BATF: variants seen among roughly 807,000 people sequenced by gnomAD.
The protein encoded by BATF is basic leucine zipper transcriptional factor ATF-like.
Under a neutral mutation model 13.7 loss-of-function variants are expected in BATF, and 5 were observed. The observed-to-expected ratio is 0.36, with a 90% CI of 0.19 to 0.77. The LOEUF is 0.77. BATF is among the 30% of genes least tolerant of loss of function. The pLI, the probability that BATF is intolerant of heterozygous loss-of-function variation, is 0.51. For synonymous variants in BATF, 72 were observed against 67.5 expected, an observed-to-expected ratio of 1.07 and a Z score of -0.33; for missense variants, 124 against 163.0, an observed-to-expected ratio of 0.76 and a Z score of 1.30.
chr14:75,531,574 G>C (rs1195556881), intron 2 of BATF, among the ~76,000 whole-genome samples: 1 of 152,176 alleles, frequency 6.6e-6, no homozygotes, highest in South Asian at 2.1e-4. Context: ...CTTGCCTGGG[G>C]CTGCCTCCTG....
intron 2 of BATF, among the ~76,000 whole-genome samples, chr14:75,528,896 A>T (rs1289556046): frequency 6.6e-6 from 1 of 152,244 alleles, no homozygotes; most frequent in African/African-American, 2.4e-5. Context: ...TGTTTATAAT[A>T]CCAATGACAA....
At chr14:75,539,866 C>T (rs893635442) in intron 2 of BATF, among the ~76,000 whole-genome samples, 1 of 152,028 alleles carries the variant, frequency 6.6e-6, no homozygotes, top group Non-Finnish European at 1.5e-5. Flanking sequence ...TGGGAAGAGT[C>T]GTACTTTTCA....
chr14:75,527,755 A>T (rs1185640026), intron 2 of BATF, among the ~76,000 whole-genome samples: 1 of 152,160 alleles, frequency 6.6e-6, no homozygotes, highest in Non-Finnish European at 1.5e-5. Flanking sequence ...CCCCAGCCTC[A>T]GTTTCTAGAA....
chr14:75,522,808 G>A, intron 1 of BATF, 63 bp downstream of exon 1: 1 of 1,602,684 alleles, frequency 6.2e-7, no homozygotes, highest in Non-Finnish European at 8.5e-7. Context: ...AAGAGAGCCA[G>A]GCTTCCTTGT....
In BATF at chr14:75,545,388, A is replaced by ATTTT. The variant is rs35791450; in HGVS notation, c.169-1056_169-1053dup. ...AGGTGTGCACCACCACGCCTGGTTA[A>ATTTT]TTTTTTTTTTTTTTTTTTTTTGTAT... is the stretch of plus-strand genomic sequence containing the variant. On this transcript the variant is annotated intron_variant, in intron 2 of 2. Coordinates refer to ENST00000286639, the MANE Select transcript of BATF (RefSeq NM_006399.5). Among the ~76,000 whole-genome samples, 161 of 105,182 alleles carry ATTTT rather than the reference A, an allele frequency of 1.5e-3. 2 individuals carry two copies. Among genetic ancestry groups the ATTTT allele is most frequent in the African/African-American group, 5.0e-3 (129 of 25,894 alleles). 69.0% of individuals were successfully genotyped at this position (105,182 alleles called of 152,430 possible). A position where few individuals can be genotyped will look rare whatever the true frequency, so the allele number is the denominator to read the frequency against.
In BATF at chr14:75,525,001, C is replaced by A. The variant is rs574244114; in HGVS notation, c.64-83C>A. 75 of 1,187,252 alleles carry A rather than the reference C, an allele frequency of 6.3e-5. 1 individual carries two copies. In the East Asian group the frequency reaches 7.6e-4, roughly 12 times the overall value. 73.5% of individuals were successfully genotyped at this position (1,187,252 alleles called of 1,614,324 possible). A position where few individuals can be genotyped will look rare whatever the true frequency, so the allele number is the denominator to read the frequency against. On this transcript the variant is annotated intron_variant, in intron 1 of 2. Coordinates refer to ENST00000286639, the MANE Select transcript of BATF (RefSeq NM_006399.5). ...ACGAAGGCATGGAAGGATGGCTGGACGGATACCACACACCACCAGAGCCTG... is the reference window on the plus strand; with the variant it reads ...ACGAAGGCATGGAAGGATGGCTGGAAGGATACCACACACCACCAGAGCCTG...
chr14:75,536,656 G>A (rs959459970), intron 2 of BATF, among the ~76,000 whole-genome samples: 10 of 151,756 alleles, frequency 6.6e-5, no homozygotes, highest in African/African-American at 1.5e-4. Flanking sequence ...CCAAGAGGTC[G>A]AGGTTGCAGT....
intron 2 of BATF, among the ~76,000 whole-genome samples, chr14:75,526,055 T>C (rs1389903798): frequency 6.6e-6 from 1 of 152,232 alleles, no homozygotes; most frequent in African/African-American, 2.4e-5. Flanking sequence ...GAGTTGCCTC[T>C]AGTCCCAAAT....
rs935511259 is a variant in BATF at position 75,525,122 on chromosome 14, G to A, written c.102G>A (p.Glu34=). 7.4e-6 allele frequency: 12 copies of A among 1,614,022 alleles called. No individual in the cohort carries two copies. Among genetic ancestry groups the A allele is most frequent in the South Asian group, 2.2e-5 (2 of 91,030 alleles). The change falls in exon 2 of 3, where the codon GAG becomes GAA. Residue 34 remains glutamate, a synonymous_variant. Coordinates refer to ENST00000286639, the MANE Select transcript of BATF (RefSeq NM_006399.5). ...ATGTGAGAAGAGTTCAGAGGAGGGA[G>A]AAAAATCGTATTGCCGCCCAGAAGA... The part of the protein sequence containing the change: ...SDDVRRVQRR[E]KNRIAAQKSR...
chr14:75,545,410 G>A (rs891409256), intron 2 of BATF, among the ~76,000 whole-genome samples: 1 of 50,564 alleles, frequency 2.0e-5, no homozygotes, highest in Non-Finnish European at 4.1e-5. Context: ...TTTTTTTTTT[G>A]TATTTTTAGA....
chr14:75,526,743 T>G (rs1276371845), intron 2 of BATF, among the ~76,000 whole-genome samples: 4 of 152,172 alleles, frequency 2.6e-5, no homozygotes, highest in African/African-American at 9.7e-5. Context: ...GCCCTGCTGC[T>G]TGTATGTTCT....
At chr14:75,542,853 G>C (rs1038678064) in intron 2 of BATF, among the ~76,000 whole-genome samples, 6 of 152,244 alleles carry the variant, frequency 3.9e-5, no homozygotes, top group East Asian at 3.8e-4. Flanking sequence ...AAGCCAGGGA[G>C]GGGGAGGCAG....
rs113994575 is a variant in BATF at position 75,540,612 on chromosome 14, C to A, written c.169-5850C>A. On this transcript the variant is annotated intron_variant, in intron 2 of 2. Coordinates refer to ENST00000286639, the MANE Select transcript of BATF (RefSeq NM_006399.5). ...GAGTGCCTCAATTCAAGTACCGGTGCTGCAACTTCCAAGCTGCGTGATCTT... is the reference window on the plus strand; with the variant it reads ...GAGTGCCTCAATTCAAGTACCGGTGATGCAACTTCCAAGCTGCGTGATCTT... Among the ~76,000 whole-genome samples, 1,357 of 152,354 alleles carry A rather than the reference C, an allele frequency of 8.9e-3. 19 individuals are homozygous for A. The highest frequency in any genetic ancestry group is 0.032 in the African/African-American group (1,316 of 41,582).
chr14:75,526,089 CTG>C (rs1442572020), intron 2 of BATF, among the ~76,000 whole-genome samples: 1 of 152,234 alleles, frequency 6.6e-6, no homozygotes, highest in Non-Finnish European at 1.5e-5. Context: ...GCTTTTACCT[CTG>C]TCTTGAGTGG....
In BATF at chr14:75,525,203, C is replaced by A. The variant is rs1181165777; in HGVS notation, c.168+15C>A. ...CCCTGCACCTGGTAAGTGTTCAGAT[C>A]AATCTTCATCCTCGTGAGCTTTAGG... On this transcript the variant is annotated intron_variant, in intron 2 of 2. Coordinates refer to ENST00000286639, the MANE Select transcript of BATF (RefSeq NM_006399.5). The A allele has an allele frequency of 4.3e-6, 7 of 1,609,476 alleles. No individual in the cohort carries two copies. Among genetic ancestry groups the A allele is most frequent in the South Asian group, 1.1e-5 (1 of 90,528 alleles).
chr14:75,535,958 C>A (rs1380325555), intron 2 of BATF, among the ~76,000 whole-genome samples: 1 of 152,156 alleles, frequency 6.6e-6, no homozygotes, highest in African/African-American at 2.4e-5. Flanking sequence ...AATTATAAAG[C>A]AAAGGCCATA....
intron 2 of BATF, among the ~76,000 whole-genome samples, chr14:75,541,324 C>G (rs753449887): frequency 6.6e-6 from 1 of 152,136 alleles, no homozygotes; most frequent in Non-Finnish European, 1.5e-5. Flanking sequence ...GCAACTGGAG[C>G]TGAATAGGGA....
chr14:75,532,668 G>A (rs1887754246), intron 2 of BATF, among the ~76,000 whole-genome samples: 1 of 152,054 alleles, frequency 6.6e-6, no homozygotes, highest in East Asian at 1.9e-4. Context: ...ACTTGACAGG[G>A]GGCTTACAAC....
chr14:75,525,205 A>G lies in BATF; in HGVS notation c.168+17A>G, dbSNP rs779291402. On this transcript the variant is annotated intron_variant, in intron 2 of 2. Coordinates refer to ENST00000286639, the MANE Select transcript of BATF (RefSeq NM_006399.5). ...CTGCACCTGGTAAGTGTTCAGATCA[A>G]TCTTCATCCTCGTGAGCTTTAGGCT... 12 of 1,609,642 alleles carry G rather than the reference A, an allele frequency of 7.5e-6. No homozygotes were observed. Among genetic ancestry groups the G allele is most frequent in the Non-Finnish European group, 1.0e-5 (12 of 1,177,040 alleles).
Sources: allele counts gnomAD v4.1 joint callset (sites outside exome capture counted in the v4.1 genomes callset), GRCh38; gene constraint gnomAD v4.1.1; transcripts MANE v1.5; gene names NCBI Gene and HGNC (gene_info 2026-07-23, HGNC 2026-07-21).